Variants in HMGXB3 observed in about 807,000 individuals in gnomAD.
HMGXB3 encodes HMG-box containing 3.
A neutral mutation model predicts 121.5 loss-of-function variants in HMGXB3; 45 were observed. The observed-to-expected ratio is 0.37, with a 90% CI of 0.29 to 0.47. The LOEUF (loss-of-function observed/expected upper bound fraction) is 0.47. HMGXB3 is among the 20% of genes least tolerant of loss of function. The pLI is 0.99. For synonymous variants in HMGXB3, 590 were observed against 624.1 expected, an observed-to-expected ratio of 0.95 and a Z score of 0.81; for missense variants, 1,376 against 1,602.2, an observed-to-expected ratio of 0.86 and a Z score of 2.41.
chr5:150,004,992 T>C lies in HMGXB3; in HGVS notation c.137+3T>C. The C allele has an allele frequency of 6.5e-7, 1 of 1,545,394 alleles. No individual in the cohort carries two copies. The highest frequency in any genetic ancestry group is 8.7e-7 in the Non-Finnish European group (1 of 1,145,494). On this transcript the variant is annotated splice_donor_region_variant and intron_variant, in intron 2 of 19. Transcript: ENST00000502717. ...GGAGAAAAGACAAAGAAACCCAGGT[T>C]AGCCAACACATTTTGGTTGCTGCTA...
chr5:150,019,243 T>C (rs952203592), intron 6 of HMGXB3, among the ~76,000 whole-genome samples: 2 of 152,226 alleles, frequency 1.3e-5, no homozygotes, highest in Admixed American at 6.5e-5. Flanking sequence ...TACTACACCA[T>C]GTTTATTTAC....
intron 17 of HMGXB3, 95 bp from the exon 18 acceptor site, chr5:150,048,474 T>C (rs1756812975): frequency 3.5e-6 from 3 of 859,610 alleles, no homozygotes; most frequent in Admixed American, 2.2e-5. Flanking sequence ...GTTTATTCTT[T>C]TGCTTTGGGT....
rs1307709400 is a variant in HMGXB3, at chr5:150,010,374, G to C, written c.576G>C (p.Val192=). The C allele has an allele frequency of 1.3e-6, 2 of 1,551,558 alleles. No homozygotes were observed. Among genetic ancestry groups the C allele is most frequent in the Non-Finnish European group, 1.7e-6 (2 of 1,146,998 alleles). ...CTGTGGAGGCCCTGGCTGAGGAGGT[G>C]GGAGCCCTTACCCAGTCAGGTGCTG... ...CLAVEALAEE[V]GALTQSGAVQ... The change falls in exon 4 of 20, where the codon GTG becomes GTC. Residue 192 remains valine, a synonymous_variant. Coordinates refer to ENST00000502717, the MANE Select transcript of HMGXB3 (RefSeq NM_014983.3).
chr5:150,051,655 T>G, intron 19 of HMGXB3, 70 bp from the exon 20 acceptor site: 1 of 1,242,658 alleles, frequency 8.0e-7, no homozygotes, highest in Non-Finnish European at 1.1e-6. Context: ...GCCTAGAGTG[T>G]TCTCGTCACC....
At chr5:150,004,313 A>C (rs745837408) in intron 1 of HMGXB3, among the ~76,000 whole-genome samples, 2 of 152,226 alleles carry the variant, frequency 1.3e-5, no homozygotes, top group Non-Finnish European at 2.9e-5. Context: ...ACCTGACCAA[A>C]ATTGCACAAG....
intron 6 of HMGXB3, among the ~76,000 whole-genome samples, chr5:150,019,104 T>A (rs2113735807): frequency 6.6e-6 from 1 of 152,224 alleles, no homozygotes; most frequent in Admixed American, 6.5e-5. Flanking sequence ...AGCACTGTTT[T>A]CCCTTTTATT....
At chr5:150,046,337 T>A (rs1756754379) in intron 16 of HMGXB3, among the ~76,000 whole-genome samples, 1 of 152,252 alleles carries the variant, frequency 6.6e-6, no homozygotes, top group African/African-American at 2.4e-5. Context: ...TTTTGTGTCA[T>A]GACGCAGAAT....
At chr5:150,018,390 T>C (rs1756007354) in intron 5 of HMGXB3, among the ~76,000 whole-genome samples, 176 bp from the exon 6 acceptor site, 1 of 152,236 alleles carries the variant, frequency 6.6e-6, no homozygotes, top group Admixed American at 6.5e-5. Context: ...GTTTCTCCAT[T>C]TCTAAAGAGT....
rs372191448 is a variant in HMGXB3, at chr5:150,051,363, T to C, written c.3412-362T>C. ...CTCTGGCTTTGCCTTGGAGGAGTCA[T>C]TATTGTCATTACTCCCTGGGGCTCA... On this transcript the variant is annotated intron_variant, in intron 19 of 19. Transcript: ENST00000502717. Among the ~76,000 whole-genome samples the C allele has an allele frequency of 1.2e-4, 19 of 152,352 alleles. No homozygotes were observed. In the East Asian group the frequency reaches 2.5e-3, roughly 20 times the overall value.
In HMGXB3 at chr5:150,037,419, G is replaced by C; in HGVS notation, c.2305G>C (p.Glu769Gln). Residue 769 changes from glutamate (E) to glutamine (Q), a missense_variant, in exon 13 of 20, where the codon GAG becomes CAG. Physicochemically the swap from Glu to Gln is conservative, Grantham distance 29. Coordinates refer to ENST00000502717, the MANE Select transcript of HMGXB3 (RefSeq NM_014983.3). ...TACTAGCTCCCTGGCTGGGCCCCAG[G>C]AGTGCTGGCTGCTGACAGCCAGCCG... ...GGQNSLAGPQ[E>Q]CWLLTASRLQ... 1 of 1,550,066 alleles carries C rather than the reference G, an allele frequency of 6.5e-7. No individual in the cohort carries two copies. The highest frequency in any genetic ancestry group is 8.7e-7 in the Non-Finnish European group (1 of 1,146,056).
intron 11 of HMGXB3, 78 bp downstream of exon 11, chr5:150,032,681 G>T (rs1756409237): frequency 1.4e-6 from 2 of 1,478,372 alleles, no homozygotes; most frequent in African/African-American, 1.4e-5. Context: ...GAAATAAGAA[G>T]ATTTTTAAAG....
chr5:150,024,476 T>G lies in HMGXB3; in HGVS notation c.1256T>G (p.Ile419Ser). The G allele has an allele frequency of 6.4e-7, 1 of 1,551,680 alleles. No individual in the cohort carries two copies. The highest frequency in any genetic ancestry group is 8.7e-7 in the Non-Finnish European group (1 of 1,146,974). ...VGEESEWEEV[I>S]ISDAHVLVKE... ...GAGGAGAGTGAGTGGGAGGAAGTGA[T>G]CATCTCCGATGCCCATGTTTTGGTT... Residue 419 changes from isoleucine to serine, a missense_variant, in exon 7 of 20, where the codon ATC becomes AGC. Physicochemically the swap from Ile to Ser is moderately radical, Grantham distance 142. Around this residue, in one of 2 missense-constraint regions of HMGXB3, gnomAD observed 1,116 missense variants for 1,369.0 expected, o/e 0.82. Coordinates refer to ENST00000502717, the MANE Select transcript of HMGXB3 (RefSeq NM_014983.3).
At chr5:150,027,496 CACATTATA>C (rs1756259718) in intron 9 of HMGXB3, among the ~76,000 whole-genome samples, 3 of 152,146 alleles carry the variant, frequency 2.0e-5, no homozygotes, top group Admixed American at 6.5e-5. Context: ...GTGTAAAATA[CACATTATA>C]GGGTAAGTTA....
At chr5:150,005,071 C>T in intron 2 of HMGXB3, 82 bp downstream of exon 2, 3 of 1,473,298 alleles carry the variant, frequency 2.0e-6, no homozygotes, top group South Asian at 1.4e-5. Flanking sequence ...ACTTTTAAGA[C>T]TCTTTGAAAA....
At chr5:150,039,836 T>C (rs912759150) in intron 13 of HMGXB3, among the ~76,000 whole-genome samples, 1 of 152,228 alleles carries the variant, frequency 6.6e-6, no homozygotes, top group Non-Finnish European at 1.5e-5. Flanking sequence ...CACTTCTCCT[T>C]ACCCTTCTTC....
At position 150,052,542 on chromosome 5, in the gene HMGXB3, G is replaced by A. The variant is rs530117984; in HGVS notation, c.*350G>A. 7.0e-5 allele frequency: 18 copies of A among 258,052 alleles called. No homozygotes were observed. Among genetic ancestry groups the A allele is most frequent in the South Asian group, 2.9e-4 (4 of 14,004 alleles). 16.0% of individuals were successfully genotyped at this position (258,052 alleles called of 1,614,324 possible). A position where few individuals can be genotyped will look rare whatever the true frequency, so the allele number is the denominator to read the frequency against. On this transcript the variant is annotated 3_prime_UTR_variant, in exon 20 of 20. Coordinates refer to ENST00000502717, the MANE Select transcript of HMGXB3 (RefSeq NM_014983.3). ...GTGGAGGTCCTGGGTGGGCTAAGGC[G>A]TGAGCCCCAGCACTAGGTGGGAAGG... is the stretch of plus-strand genomic sequence containing the variant.
In HMGXB3 at chr5:150,035,379, C is replaced by T. The variant is rs58991380; in HGVS notation, c.1984-1257C>T. ...CACCACCTCCCTTGCTCCTGCCCCA[C>T]GATAATCTACTCATGAGGGATCTGC... On this transcript the variant is annotated intron_variant, in intron 11 of 19. Coordinates refer to ENST00000502717, the MANE Select transcript of HMGXB3 (RefSeq NM_014983.3). Among the ~76,000 whole-genome samples, 308 of 152,256 alleles carry T rather than the reference C, an allele frequency of 2.0e-3. 1 individual carries two copies. The highest frequency in any genetic ancestry group is 7.1e-3 in the African/African-American group (293 of 41,538).
chr5:150,022,959 C>T (rs1756137243), intron 6 of HMGXB3, among the ~76,000 whole-genome samples: 1 of 150,646 alleles, frequency 6.6e-6, no homozygotes, highest in Admixed American at 6.6e-5. Flanking sequence ...CACAGGCACA[C>T]AGGCTGCATA....
chr5:150,023,999 G>C (rs571203354), intron 6 of HMGXB3, among the ~76,000 whole-genome samples: 43 of 152,300 alleles, frequency 2.8e-4, no homozygotes, highest in African/African-American at 9.6e-4. Context: ...GATGAAACCT[G>C]GAGAAGCTTT....
Sources: allele counts gnomAD v4.1 joint callset (sites outside exome capture counted in the v4.1 genomes callset), GRCh38; gene constraint gnomAD v4.1.1; regional missense constraint gnomAD v4.1.1; transcripts MANE v1.5; gene names NCBI Gene and HGNC (gene_info 2026-07-23, HGNC 2026-07-21).